GRIA4: variants seen among roughly 807,000 people sequenced by gnomAD.
GRIA4 encodes the protein glutamate ionotropic receptor AMPA type subunit 4.
In GRIA4, 34 loss-of-function variants were observed where a neutral mutation model predicts 104.0. The observed-to-expected ratio is 0.33, with a 90% CI of 0.25 to 0.44. The LOEUF is 0.44. Ranked by LOEUF, GRIA4 falls within the 20% of genes least tolerant of loss-of-function variation. The pLI is 1.00. For missense variants in GRIA4, 750 were observed against 1,096.5 expected (o/e 0.68, Z 4.46); for synonymous variants, 386 against 381.9 (o/e 1.01, Z -0.13).
At chr11:105,615,194 C>T (rs1950570301) in intron 3 of GRIA4, among the ~76,000 whole-genome samples, 2 of 151,648 alleles carry the variant, frequency 1.3e-5, no homozygotes, top group Admixed American at 1.3e-4. Context: ...AAAAAAAACA[C>T]AAAGAATAAA....
At chr11:105,640,964 AAT>A (rs1334673927) in intron 3 of GRIA4, among the ~76,000 whole-genome samples, 1 of 152,078 alleles carries the variant, frequency 6.6e-6, no homozygotes, top group Non-Finnish European at 1.5e-5. Context: ...CCTCAAACAG[AAT>A]ATGTTTTATA....
chr11:105,828,320 G>A (rs1030389184), intron 4 of GRIA4, among the ~76,000 whole-genome samples: 6 of 151,912 alleles, frequency 3.9e-5, no homozygotes, highest in East Asian at 3.9e-4. Context: ...GAATGAACCC[G>A]GAAAGACATT....
chr11:105,820,100 G>C (rs140119892), intron 4 of GRIA4, among the ~76,000 whole-genome samples: 1 of 152,050 alleles, frequency 6.6e-6, no homozygotes, highest in African/African-American at 2.4e-5. Flanking sequence ...AGCTTCAGAG[G>C]GAGCATGGCC....
At chr11:105,711,367 T>G (rs1360657946) in intron 3 of GRIA4, among the ~76,000 whole-genome samples, 1 of 151,968 alleles carries the variant, frequency 6.6e-6, no homozygotes, top group Non-Finnish European at 1.5e-5. Flanking sequence ...ATGGCACATG[T>G]ATACTTATGT....
intron 7 of GRIA4, among the ~76,000 whole-genome samples, chr11:105,902,397 C>T (rs754681636): frequency 6.6e-6 from 1 of 151,476 alleles, no homozygotes; most frequent in Non-Finnish European, 1.5e-5. Flanking sequence ...GTGGCACAAT[C>T]ATTGCTCACT....
chr11:105,830,381 C>T (rs185523583), intron 4 of GRIA4, among the ~76,000 whole-genome samples: 101 of 152,128 alleles, frequency 6.6e-4, no homozygotes, highest in African/African-American at 2.3e-3. Context: ...AAAATGCCAA[C>T]TAAAATTTAT....
At chr11:105,907,449 T>C (rs1019566596) in intron 9 of GRIA4, among the ~76,000 whole-genome samples, 1 of 152,204 alleles carries the variant, frequency 6.6e-6, no homozygotes, top group African/African-American at 2.4e-5. Context: ...GCAATCATTC[T>C]TGTAAATTGA....
intron 4 of GRIA4, among the ~76,000 whole-genome samples, chr11:105,836,545 C>T (rs1416780229): frequency 1.3e-5 from 2 of 152,156 alleles, no homozygotes; most frequent in Non-Finnish European, 2.9e-5. Flanking sequence ...CTCTTATGTA[C>T]ACTTTCCTCC....
chr11:105,759,992 A>C (rs951541275), intron 4 of GRIA4, among the ~76,000 whole-genome samples: 1 of 47,632 alleles, frequency 2.1e-5, no homozygotes, highest in African/African-American at 5.2e-5. Context: ...TGAATGAATC[A>C]TATGGTCTCA....
intron 3 of GRIA4, among the ~76,000 whole-genome samples, chr11:105,735,719 T>G (rs1445712489): frequency 6.6e-6 from 1 of 152,164 alleles, no homozygotes; most frequent in Non-Finnish European, 1.5e-5. Flanking sequence ...TGTCTTCCTC[T>G]GTAAAAGGGA....
intron 6 of GRIA4, among the ~76,000 whole-genome samples, chr11:105,892,108 C>CA (rs903456666): frequency 9.2e-5 from 14 of 151,932 alleles, no homozygotes; most frequent in African/African-American, 2.2e-4. Context: ...AATAAATACA[C>CA]AAAAAAATAA....
At chr11:105,613,336 G>C (rs978306706) in intron 3 of GRIA4, 1 of 152,160 alleles carries the variant, frequency 6.6e-6, no homozygotes, top group African/African-American at 2.4e-5. Context: ...CTGGAAGGAA[G>C]TGCATGTTTC....
chr11:105,862,157 G>A lies in GRIA4; in HGVS notation c.621G>A (p.Lys207=), dbSNP rs565566363. 1.2e-5 allele frequency: 20 copies of A among 1,607,836 alleles called. No homozygotes were observed. Among genetic ancestry groups the A allele is most frequent in the South Asian group, 2.2e-5 (2 of 90,952 alleles). ...AAGAACTTGACAGAAGACAAGAGAA[G>A]AAGTTTGTAATAGACTGTGAGATAG... is the stretch of plus-strand genomic sequence containing the variant. ...LLEELDRRQE[K]KFVIDCEIER... is the part of the protein sequence containing the mutation. Residue 207 remains lysine, a synonymous_variant, in exon 5 of 17, where the codon AAG becomes AAA. Coordinates refer to ENST00000282499, the MANE Select transcript of GRIA4 (RefSeq NM_000829.4).
At chr11:105,751,607 A>G (rs1940003898) in intron 3 of GRIA4, among the ~76,000 whole-genome samples, 1 of 152,064 alleles carries the variant, frequency 6.6e-6, no homozygotes, top group Non-Finnish European at 1.5e-5. Flanking sequence ...TTCTTTATAA[A>G]CCCTAATATA....
intron 14 of GRIA4, chr11:105,966,123 G>A (rs1466917218): frequency 8.6e-7 from 1 of 1,164,688 alleles, no homozygotes; most frequent in Non-Finnish European, 1.3e-6. Context: ...GCATCTGCTG[G>A]GAGACTTATG....
chr11:105,965,217 A>T (rs1948836870), intron 14 of GRIA4, among the ~76,000 whole-genome samples: 1 of 152,072 alleles, frequency 6.6e-6, no homozygotes, highest in South Asian at 2.1e-4. Flanking sequence ...TTGCAAAGTC[A>T]GTATCACATG....
chr11:105,904,753 A>G (rs1018312959), intron 8 of GRIA4, among the ~76,000 whole-genome samples: 95 of 152,320 alleles, frequency 6.2e-4, no homozygotes, highest in African/African-American at 2.2e-3. Flanking sequence ...AATATTTTCA[A>G]AAATGTCCTT....
chr11:105,806,243 G>A (rs1205643999), intron 4 of GRIA4, among the ~76,000 whole-genome samples: 1 of 151,756 alleles, frequency 6.6e-6, no homozygotes, highest in Admixed American at 6.6e-5. Flanking sequence ...CCCACATAAT[G>A]GGAATAGGAG....
intron 4 of GRIA4, among the ~76,000 whole-genome samples, chr11:105,829,073 T>A (rs1335044006): frequency 7.9e-6 from 1 of 127,082 alleles, no homozygotes; most frequent in Non-Finnish European, 1.6e-5. Context: ...CTATTTATTG[T>A]GTGCTATATC....
Sources: gnomAD v4.1 joint callset for allele counts (sites outside exome capture counted in the v4.1 genomes callset) on GRCh38, gnomAD v4.1.1 for gene constraint, MANE v1.5 for transcripts, NCBI Gene and HGNC (gene_info 2026-07-23, HGNC 2026-07-21) for gene names.